The following GALNT10 variants were observed in gnomAD, a reference collection of about 807,000 sequenced individuals.
GALNT10 encodes polypeptide N-acetylgalactosaminyltransferase 10.
GALNT10 carries 41 observed loss-of-function variants against 75.0 expected under a neutral mutation model. The ratio of observed to expected loss-of-function variants is 0.55; its 90% CI spans 0.43 to 0.71. The LOEUF (loss-of-function observed/expected upper bound fraction) is 0.71. GALNT10 is among the 30% of genes least tolerant of loss of function. The pLI, the probability that GALNT10 is intolerant of heterozygous loss-of-function variation, is 0.00. For synonymous variants in GALNT10, 302 were observed against 313.0 expected (o/e 0.96, Z 0.37); for missense variants, 727 against 818.5 (o/e 0.89, Z 1.36).
chr5:154,321,620 G>GGCCA (rs1353846138), intron 3 of GALNT10, among the ~76,000 whole-genome samples: 2 of 152,098 alleles, frequency 1.3e-5, no homozygotes, highest in African/African-American at 4.8e-5. Flanking sequence ...CACTGCACCT[G>GGCCA]GCCACCCCCA....
intron 1 of GALNT10, among the ~76,000 whole-genome samples, chr5:154,255,860 C>T (rs986239287): frequency 2.0e-5 from 3 of 150,558 alleles, no homozygotes; most frequent in Non-Finnish European, 3.0e-5. Context: ...CCCCTCCCCT[C>T]TCCTCCTCTC....
intron 7 of GALNT10, among the ~76,000 whole-genome samples, chr5:154,393,929 G>T (rs1277639274): frequency 6.6e-6 from 1 of 152,170 alleles, no homozygotes; most frequent in Admixed American, 6.5e-5. Flanking sequence ...CACATTGTTG[G>T]GGCCATTTGC....
Position 154,402,017 on chromosome 5 carries a change from G to A in GALNT10, c.1057-2087G>A, listed in dbSNP as rs933481095. On this transcript the variant is annotated intron_variant, in intron 7 of 11. Transcript: ENST00000297107. This position sits in a 1 kb window ranked among gnomAD's most constrained non-coding sequence, Gnocchi z 4.2. ...AGCACCCCTCACCCAGGGTCAGGACGGTCTCATATCAGGACGACTGCAAGA... is the reference window on the plus strand; with the variant it reads ...AGCACCCCTCACCCAGGGTCAGGACAGTCTCATATCAGGACGACTGCAAGA... 6.6e-6 allele frequency among the ~76,000 whole-genome samples: 1 copy of A among 152,082 alleles called. No individual in the cohort carries two copies.
intron 4 of GALNT10, among the ~76,000 whole-genome samples, chr5:154,358,675 T>C (rs772941848): frequency 3.3e-5 from 5 of 152,086 alleles, no homozygotes; most frequent in Non-Finnish European, 7.4e-5. Flanking sequence ...ATGACGGTGC[T>C]CCCACTCTCT....
At chr5:154,274,267 T>G (rs923679686) in intron 1 of GALNT10, among the ~76,000 whole-genome samples, 4 of 152,154 alleles carry the variant, frequency 2.6e-5, no homozygotes, top group African/African-American at 9.7e-5. Flanking sequence ...CAATTCCAGG[T>G]AAAACTGAAC....
At chr5:154,313,060 A>G (rs553024480) in intron 3 of GALNT10, among the ~76,000 whole-genome samples, 3 of 152,244 alleles carry the variant, frequency 2.0e-5, no homozygotes, top group South Asian at 4.1e-4. Context: ...TTTAATCCCA[A>G]CACTTTGGGA....
chr5:154,376,752 G>T lies in GALNT10; in HGVS notation c.754+290G>T, dbSNP rs368359098. Reference sequence around the variant, plus strand: ...AGTGACATGACGGCTTTCCTCAGATGACTTCATTTTATTGCAAAGCAAGCC... The same window carrying T: ...AGTGACATGACGGCTTTCCTCAGATTACTTCATTTTATTGCAAAGCAAGCC... On this transcript the variant is annotated intron_variant, in intron 5 of 11. Coordinates refer to ENST00000297107, the MANE Select transcript of GALNT10 (RefSeq NM_198321.4). The surrounding 1 kb of genome is among the most constrained non-coding windows in gnomAD (Gnocchi z 4.1). Among the ~76,000 whole-genome samples the T allele has an allele frequency of 1.1e-4, 16 of 152,266 alleles. No homozygotes were observed. The highest frequency in any genetic ancestry group is 3.6e-4 in the African/African-American group (15 of 41,540).
intron 1 of GALNT10, among the ~76,000 whole-genome samples, chr5:154,238,822 T>C (rs1753288898): frequency 6.6e-6 from 1 of 152,226 alleles, no homozygotes; most frequent in South Asian, 2.1e-4. Context: ...GGCTTTTACC[T>C]TCAGAAAAAA....
At chr5:154,229,906 C>T (rs114814467) in intron 1 of GALNT10, among the ~76,000 whole-genome samples, 2,081 of 152,296 alleles carry the variant, frequency 0.014, 41 homozygotes, top group African/African-American at 0.047. Context: ...AAGCAGACAT[C>T]TGTGATAACT....
chr5:154,396,709 A>G (rs1290110348), intron 7 of GALNT10, among the ~76,000 whole-genome samples: 1 of 152,200 alleles, frequency 6.6e-6, no homozygotes, highest in Admixed American at 6.5e-5. Flanking sequence ...TCAAAACCTA[A>G]TGTAAAGTAA....
intron 1 of GALNT10, among the ~76,000 whole-genome samples, chr5:154,272,548 G>T (rs1271662229): frequency 6.6e-6 from 1 of 152,198 alleles, no homozygotes; most frequent in Non-Finnish European, 1.5e-5. Context: ...GGAGTATAGT[G>T]GGCAGACATC....
chr5:154,212,223 C>G (rs11949485), intron 1 of GALNT10, among the ~76,000 whole-genome samples: 1,545 of 152,276 alleles, frequency 0.01, 19 homozygotes, highest in African/African-American at 0.035. Flanking sequence ...TAGATGGTAG[C>G]AAAGGAGAGC....
intron 3 of GALNT10, among the ~76,000 whole-genome samples, chr5:154,323,371 CA>C (rs376045286): frequency 0.021 from 2,940 of 138,274 alleles, 73 homozygotes; most frequent in African/African-American, 0.069. Context: ...GACCCCATTT[CA>C]AAAAAAAAAA....
intron 7 of GALNT10, among the ~76,000 whole-genome samples, chr5:154,397,485 C>G (rs913708420): frequency 2.6e-5 from 4 of 152,112 alleles, no homozygotes; most frequent in African/African-American, 4.8e-5. Flanking sequence ...GAGGTAGGCA[C>G]AGTAATTTTT....
rs1323867920 is a variant in GALNT10, at chr5:154,418,179, G to GT, written c.*1209dup. 4.6e-5 allele frequency: 7 copies of GT among 152,418 alleles called. No homozygotes were observed. The highest frequency in any genetic ancestry group is 1.7e-4 in the African/African-American group (7 of 41,596). 9.4% of individuals were successfully genotyped at this position (152,418 alleles called of 1,614,324 possible). A position where few individuals can be genotyped will look rare whatever the true frequency, so the allele number is the denominator to read the frequency against. On this transcript the variant is annotated 3_prime_UTR_variant, in exon 12 of 12. Coordinates refer to ENST00000297107, the MANE Select transcript of GALNT10 (RefSeq NM_198321.4). Reference sequence around the variant, plus strand: ...ATCTGTGAAATCCAAAGTTGGTGGTGTTGGGAAAGCAGGGGGACATGTGTC... The same window carrying GT: ...ATCTGTGAAATCCAAAGTTGGTGGTGTTTGGGAAAGCAGGGGGACATGTGTC...
At chr5:154,344,231 A>G (rs1755083989) in intron 4 of GALNT10, among the ~76,000 whole-genome samples, 1 of 141,944 alleles carries the variant, frequency 7.0e-6, no homozygotes. Flanking sequence ...TTTTTGAGAC[A>G]GAGTCTCACT....
intron 6 of GALNT10, 87 bp from the exon 7 acceptor site, chr5:154,386,226 C>A: frequency 1.1e-6 from 1 of 943,996 alleles, no homozygotes; most frequent in Non-Finnish European, 1.7e-6. Context: ...TGGAACACCG[C>A]CGCTGGGGGA....
chr5:154,219,838 T>TCACA (rs553301418), intron 1 of GALNT10, among the ~76,000 whole-genome samples: 158 of 125,664 alleles, frequency 1.3e-3, no homozygotes, highest in Middle Eastern at 3.9e-3. Flanking sequence ...TCTCTCTCTC[T>TCACA]CACACACACA....
intron 1 of GALNT10, among the ~76,000 whole-genome samples, chr5:154,217,745 A>C (rs1435038917): frequency 6.6e-6 from 1 of 152,214 alleles, no homozygotes; most frequent in Non-Finnish European, 1.5e-5. Context: ...GCCTGAGTTG[A>C]ATCTTGGTTC....
Sources: allele counts gnomAD v4.1 joint callset (sites outside exome capture counted in the v4.1 genomes callset), GRCh38; gene constraint gnomAD v4.1.1; non-coding constraint Gnocchi (gnomAD v3.1); transcripts MANE v1.5; gene names NCBI Gene and HGNC (gene_info 2026-07-23, HGNC 2026-07-21).